EPAS1: variants seen among roughly 807,000 people sequenced by gnomAD.
EPAS1 encodes endothelial PAS domain-containing protein 1.
Under a neutral mutation model 87.9 loss-of-function variants are expected in EPAS1, and 23 were observed. The ratio of observed to expected loss-of-function variants is 0.26; its 90% CI spans 0.19 to 0.37. The LOEUF (loss-of-function observed/expected upper bound fraction) is 0.37. EPAS1 is among the 10% of genes least tolerant of loss of function. The probability of loss-of-function intolerance (pLI) is 1.00; values close to 1 mark genes in which losing one functional copy is unlikely to be tolerated. For synonymous variants in EPAS1, 508 were observed against 444.3 expected (o/e 1.14, Z -1.80); for missense variants, 1,138 against 1,120.7 (o/e 1.02, Z -0.22).
At position 46,346,149 on chromosome 2, in the gene EPAS1, G is replaced by T. The variant is rs77885306; in HGVS notation, c.27-724G>T. On this transcript the variant is annotated intron_variant, in intron 1 of 15. Coordinates refer to ENST00000263734, the MANE Select transcript of EPAS1 (RefSeq NM_001430.5). The surrounding 1 kb of genome is among the most constrained non-coding windows in gnomAD (Gnocchi z 4.0). ...TTCTAAAAGAGGCAGGCTTCAGTGC[G>T]TGTCATCTTTCGTTCCATCCTGCAG... 8.4e-3 allele frequency among the ~76,000 whole-genome samples: 1,277 copies of T among 152,340 alleles called. 18 individuals are homozygous for T. Among genetic ancestry groups the T allele is most frequent in the African/African-American group, 0.03 (1,239 of 41,562 alleles).
chr2:46,349,218 C>A (rs1684094950), intron 2 of EPAS1, among the ~76,000 whole-genome samples: 1 of 152,210 alleles, frequency 6.6e-6, no homozygotes, highest in African/African-American at 2.4e-5. Flanking sequence ...GGTCCTCACA[C>A]ATTCAGAGAG....
intron 6 of EPAS1, among the ~76,000 whole-genome samples, chr2:46,367,924 T>C (rs1489929298): frequency 3.9e-5 from 6 of 152,204 alleles, no homozygotes; most frequent in Non-Finnish European, 4.4e-5. Context: ...CGTGCATGTG[T>C]GCGCACACAC....
intron 6 of EPAS1, 90 bp downstream of exon 6, chr2:46,361,180 G>A: frequency 7.2e-7 from 1 of 1,392,144 alleles, no homozygotes; most frequent in African/African-American, 1.4e-5. Context: ...GTGTGGAACT[G>A]AACATAGACG....
chr2:46,314,614 A>G (rs1177596626), intron 1 of EPAS1, among the ~76,000 whole-genome samples: 2 of 152,190 alleles, frequency 1.3e-5, no homozygotes, highest in Non-Finnish European at 2.9e-5. Context: ...TGGCTCAGAG[A>G]TCCCCAATAG....
chr2:46,320,453 G>A (rs141679556), intron 1 of EPAS1, among the ~76,000 whole-genome samples: 11 of 152,322 alleles, frequency 7.2e-5, no homozygotes, highest in East Asian at 3.9e-4. Context: ...AGTGCACGCC[G>A]CTTGCAGATG....
chr2:46,380,151 C>A lies in EPAS1; in HGVS notation c.1555-76C>A. 3 of 1,597,504 alleles carry A rather than the reference C, an allele frequency of 1.9e-6. No individual in the cohort carries two copies. The highest frequency in any genetic ancestry group is 2.5e-6 in the Non-Finnish European group (3 of 1,178,330). ...ACAGTGCTTGAGATGAATGGCTCTGCAGGAGCTGAGTTGGAATAGTGTTTG... is the reference window on the plus strand; with the variant it reads ...ACAGTGCTTGAGATGAATGGCTCTGAAGGAGCTGAGTTGGAATAGTGTTTG... On this transcript the variant is annotated intron_variant, in intron 11 of 15. Coordinates refer to ENST00000263734, the MANE Select transcript of EPAS1 (RefSeq NM_001430.5). This position sits in a 1 kb window ranked among gnomAD's most constrained non-coding sequence, Gnocchi z 4.4.
intron 1 of EPAS1, among the ~76,000 whole-genome samples, chr2:46,327,694 C>T (rs1008459366): frequency 2.0e-5 from 3 of 152,206 alleles, no homozygotes; most frequent in African/African-American, 7.2e-5. Context: ...CCTTGGATGA[C>T]AATTCCATTA....
At position 46,335,029 on chromosome 2, in the gene EPAS1, C is replaced by T. The variant is rs986250575; in HGVS notation, c.27-11844C>T. Among the ~76,000 whole-genome samples, 4 of 152,172 alleles carry T rather than the reference C, an allele frequency of 2.6e-5. No individual in the cohort carries two copies. In the East Asian group the frequency reaches 7.7e-4, roughly 29 times the overall value. Reference sequence around the variant, plus strand: ...AAGCCCAGGACAGATTCTCTACCAGCTCTCTCCTCTTTCACTTTTCCTCTT... The same window carrying T: ...AAGCCCAGGACAGATTCTCTACCAGTTCTCTCCTCTTTCACTTTTCCTCTT... On this transcript the variant is annotated intron_variant, in intron 1 of 15. Coordinates refer to ENST00000263734, the MANE Select transcript of EPAS1 (RefSeq NM_001430.5).
intron 1 of EPAS1, among the ~76,000 whole-genome samples, chr2:46,322,820 C>T (rs1190859669): frequency 6.6e-6 from 1 of 152,146 alleles, no homozygotes; most frequent in African/African-American, 2.4e-5. Flanking sequence ...CTCACTTAGT[C>T]CACCCCCACG....
At chr2:46,317,432 C>T (rs941836099) in intron 1 of EPAS1, among the ~76,000 whole-genome samples, 2 of 152,296 alleles carry the variant, frequency 1.3e-5, no homozygotes, top group East Asian at 3.9e-4. Context: ...TAATTTTGTG[C>T]GTCTCCATCA....
intron 1 of EPAS1, among the ~76,000 whole-genome samples, chr2:46,314,518 G>C (rs934505888): frequency 6.6e-6 from 1 of 152,186 alleles, no homozygotes; most frequent in Non-Finnish European, 1.5e-5. Context: ...AGACAGCAAA[G>C]GCAAGTGCCA....
chr2:46,306,031 TG>T (rs2104838016), intron 1 of EPAS1, among the ~76,000 whole-genome samples: 1 of 152,336 alleles, frequency 6.6e-6, no homozygotes, highest in South Asian at 2.1e-4. Context: ...GGGGAGTCAG[TG>T]GCTTGTTATG....
intron 6 of EPAS1, among the ~76,000 whole-genome samples, chr2:46,362,067 C>A (rs1684404464): frequency 6.6e-6 from 1 of 152,168 alleles, no homozygotes; most frequent in Non-Finnish European, 1.5e-5. Flanking sequence ...CTGAGCAGCA[C>A]CCCCCGCATG....
At position 46,347,268 on chromosome 2, in the gene EPAS1, G is replaced by C; in HGVS notation, c.217+205G>C. 1 of 655,050 alleles carries C rather than the reference G, an allele frequency of 1.5e-6. No homozygotes were observed. Among genetic ancestry groups the C allele is most frequent in the South Asian group, 1.8e-5 (1 of 55,972 alleles). 40.6% of individuals were successfully genotyped at this position (655,050 alleles called of 1,614,324 possible). On this transcript the variant is annotated intron_variant, in intron 2 of 15. Transcript: ENST00000263734. The surrounding 1 kb of genome is among the most constrained non-coding windows in gnomAD (Gnocchi z 4.2). ...ACCTTTACCGTGAATCCAGCTGTGAGAGGAGGGCAGGGACAGGACCAGGGA... is the reference window on the plus strand; with the variant it reads ...ACCTTTACCGTGAATCCAGCTGTGACAGGAGGGCAGGGACAGGACCAGGGA...
chr2:46,332,696 C>T (rs1683711771), intron 1 of EPAS1, among the ~76,000 whole-genome samples: 1 of 152,182 alleles, frequency 6.6e-6, no homozygotes, highest in Non-Finnish European at 1.5e-5. Flanking sequence ...GTGGCTTTTT[C>T]CCCCTGGGGC....
chr2:46,378,871 G>A, intron 11 of EPAS1, 104 bp downstream of exon 11: 1 of 1,172,062 alleles, frequency 8.5e-7, no homozygotes, highest in Non-Finnish European at 1.3e-6. Flanking sequence ...GTAAAGAGCA[G>A]TGGAGACGTT....
At chr2:46,335,646 G>A (rs901888017) in intron 1 of EPAS1, 4 of 152,060 alleles carry the variant, frequency 2.6e-5, no homozygotes, top group African/African-American at 9.7e-5. Flanking sequence ...TTTTAGTTCG[G>A]TGTGGTAGAG....
At chr2:46,384,391 T>C in intron 15 of EPAS1, 118 bp from the exon 16 acceptor site, 1 of 1,422,068 alleles carries the variant, frequency 7.0e-7, no homozygotes, top group Non-Finnish European at 9.9e-7. Context: ...CAGACACCAC[T>C]GAAGGAGCAG....
intron 6 of EPAS1, among the ~76,000 whole-genome samples, chr2:46,365,754 G>C (rs1246145828): frequency 6.6e-6 from 1 of 152,186 alleles, no homozygotes; most frequent in Non-Finnish European, 1.5e-5. Flanking sequence ...CCAACCGAAG[G>C]CACTGAAATC....
Sources: gnomAD v4.1 joint callset for allele counts (sites outside exome capture counted in the v4.1 genomes callset) on GRCh38, gnomAD v4.1.1 for gene constraint, Gnocchi (gnomAD v3.1) non-coding constraint, MANE v1.5 for transcripts, NCBI Gene and HGNC (gene_info 2026-07-23, HGNC 2026-07-21) for gene names.